The following HMBOX1 variants were observed in gnomAD, a reference collection of about 807,000 sequenced individuals.
HMBOX1 encodes homeobox containing 1.
In HMBOX1, 14 loss-of-function variants were observed where a neutral mutation model predicts 54.5. That is an observed-to-expected ratio of 0.26 (90% CI 0.17 to 0.40). The LOEUF (loss-of-function observed/expected upper bound fraction) is 0.40. Among genes scored for constraint, HMBOX1 ranks in the 10% least tolerant of loss-of-function variants. The probability of loss-of-function intolerance (pLI) is 1.00; values close to 1 mark genes in which losing one functional copy is unlikely to be tolerated. For synonymous variants in HMBOX1, 160 were observed against 181.0 expected (o/e 0.88, Z 0.93); for missense variants, 332 against 514.4 (o/e 0.65, Z 3.43).
chr8:28,897,345 A>G (rs554021484), intron 1 of HMBOX1, among the ~76,000 whole-genome samples: 2 of 152,090 alleles, frequency 1.3e-5, no homozygotes, highest in Non-Finnish European at 2.9e-5. Context: ...GGTAAAAGTT[A>G]ACGATAACAT....
chr8:28,932,477 A>C (rs1819636171), intron 1 of HMBOX1, among the ~76,000 whole-genome samples: 1 of 152,216 alleles, frequency 6.6e-6, no homozygotes, highest in South Asian at 2.1e-4. Flanking sequence ...GCCCTTATTT[A>C]AGTTTTTCTG....
intron 6 of HMBOX1, among the ~76,000 whole-genome samples, chr8:29,036,520 T>C (rs1220769041): frequency 1.3e-5 from 2 of 152,184 alleles, no homozygotes; most frequent in East Asian, 3.8e-4. Flanking sequence ...TATGGTTGTG[T>C]CTCCAGAGCA....
chr8:28,932,303 G>A (rs972370354), intron 1 of HMBOX1, among the ~76,000 whole-genome samples: 7 of 152,166 alleles, frequency 4.6e-5, no homozygotes, highest in Non-Finnish European at 7.3e-5. Context: ...ATGTACAGTA[G>A]GAAGCCAATT....
chr8:28,936,799 T>TAAA (rs58487085), intron 1 of HMBOX1, among the ~76,000 whole-genome samples: 1 of 128,990 alleles, frequency 7.8e-6, no homozygotes, highest in South Asian at 2.4e-4. Context: ...ACCAGAGGGT[T>TAAA]AAAAAAAAAA....
chr8:28,984,286 T>G (rs544999639), intron 4 of HMBOX1, among the ~76,000 whole-genome samples: 208 of 152,354 alleles, frequency 1.4e-3, no homozygotes, highest in South Asian at 7.5e-3. Context: ...TAAAAAGATT[T>G]AAGTTCAACT....
At chr8:28,935,340 A>T (rs1340281711) in intron 1 of HMBOX1, among the ~76,000 whole-genome samples, 1 of 152,208 alleles carries the variant, frequency 6.6e-6, no homozygotes, top group Non-Finnish European at 1.5e-5. Context: ...GAATTACACA[A>T]CTTAAGACTG....
chr8:28,941,916 C>G (rs1821490383), intron 1 of HMBOX1, among the ~76,000 whole-genome samples: 1 of 152,176 alleles, frequency 6.6e-6, no homozygotes, highest in Non-Finnish European at 1.5e-5. Flanking sequence ...GAGTCCTCTT[C>G]AGTATTTCTA....
chr8:29,046,257 G>A (rs1026520262), intron 7 of HMBOX1: 4 of 152,198 alleles, frequency 2.6e-5, no homozygotes, highest in Non-Finnish European at 4.4e-5. Flanking sequence ...AAAGGAATCT[G>A]TACCCTGTTT....
intron 1 of HMBOX1, among the ~76,000 whole-genome samples, chr8:28,916,805 A>G (rs1206927177): frequency 2.0e-5 from 3 of 151,760 alleles, no homozygotes; most frequent in African/African-American, 7.3e-5. Context: ...TGGCCTTTCC[A>G]TACAGATATT....
At chr8:28,968,390 AT>A (rs1245325952) in intron 2 of HMBOX1, among the ~76,000 whole-genome samples, 2 of 152,208 alleles carry the variant, frequency 1.3e-5, no homozygotes, top group African/African-American at 4.8e-5. Flanking sequence ...CCTGCAATGT[AT>A]TGTAAAGGAG....
intron 1 of HMBOX1, among the ~76,000 whole-genome samples, chr8:28,917,563 G>A (rs1268089492): frequency 6.6e-6 from 1 of 150,948 alleles, no homozygotes; most frequent in African/African-American, 2.4e-5. Context: ...GTATTATACT[G>A]ACTAAAACTT....
intron 8 of HMBOX1, chr8:29,048,618 C>T: frequency 5.9e-6 from 1 of 170,066 alleles, no homozygotes; most frequent in Non-Finnish European, 1.3e-5. Context: ...ATTTCATTTC[C>T]TTCCTTTGTA....
In HMBOX1 at chr8:28,953,003, C is replaced by A. The variant is rs116394559; in HGVS notation, c.-57-10808C>A. ...ACAGTTCTGCTAAGACAAGGGAAGTCCGTTAGCTGATTGACCTTGGGCAAG... is the reference window on the plus strand; with the variant it reads ...ACAGTTCTGCTAAGACAAGGGAAGTACGTTAGCTGATTGACCTTGGGCAAG... On this transcript the variant is annotated intron_variant, in intron 1 of 9. Transcript: ENST00000287701. 3.2e-3 allele frequency among the ~76,000 whole-genome samples: 494 copies of A among 152,256 alleles called. 7 individuals are homozygous for A. Among genetic ancestry groups the A allele is most frequent in the African/African-American group, 0.011 (461 of 41,546 alleles).
At position 28,900,917 on chromosome 8, in the gene HMBOX1, A is replaced by G. The variant is rs149291164; in HGVS notation, c.-58+10239A>G. On this transcript the variant is annotated intron_variant, in intron 1 of 9. Transcript: ENST00000287701. ...TTTTTGGAGTCTTAATTACTCTTAG[A>G]ATATTGAGCTGGTTGTGAACATGAA... Among the ~76,000 whole-genome samples the G allele has an allele frequency of 7.2e-4, 110 of 152,208 alleles. 1 individual carries two copies. The highest frequency in any genetic ancestry group is 2.5e-3 in the African/African-American group (104 of 41,522).
At chr8:29,002,947 T>G (rs1832861658) in intron 4 of HMBOX1, among the ~76,000 whole-genome samples, 1 of 152,178 alleles carries the variant, frequency 6.6e-6, no homozygotes, top group Non-Finnish European at 1.5e-5. Context: ...TTAGGATTTT[T>G]AAAATAATGG....
intron 1 of HMBOX1, among the ~76,000 whole-genome samples, chr8:28,933,077 CT>C (rs376134431): frequency 6.6e-6 from 1 of 151,468 alleles, no homozygotes; most frequent in Non-Finnish European, 1.5e-5. Context: ...ATCCTGTACT[CT>C]TTTTTTTTGA....
At chr8:29,028,882 A>G (rs1308922081) in intron 6 of HMBOX1, among the ~76,000 whole-genome samples, 4 of 152,208 alleles carry the variant, frequency 2.6e-5, no homozygotes, top group Non-Finnish European at 5.9e-5. Flanking sequence ...CTATTTTCCT[A>G]GTGTCACTTC....
intron 1 of HMBOX1, among the ~76,000 whole-genome samples, chr8:28,942,182 GAC>G (rs1821558216): frequency 6.6e-6 from 1 of 152,206 alleles, no homozygotes; most frequent in African/African-American, 2.4e-5. Context: ...GATGGAAAAA[GAC>G]ACCATGCCAT....
rs113395944 is a variant in HMBOX1 at position 29,011,714 on chromosome 8, G to GT, written c.697+2542dup. On this transcript the variant is annotated intron_variant, in intron 5 of 9. Coordinates refer to ENST00000287701, the MANE Select transcript of HMBOX1 (RefSeq NM_001135726.3). ...GGCTGATAGTGTTCTTCCAAAGCTG[G>GT]TTTTTTTTTTAAATTATTGTTATTT... Among the ~76,000 whole-genome samples, 77 of 148,894 alleles carry GT rather than the reference G, an allele frequency of 5.2e-4. 1 individual carries two copies. The highest frequency in any genetic ancestry group is 1.0e-3 in the African/African-American group (41 of 40,734).
Sources: gnomAD v4.1 joint callset for allele counts (sites outside exome capture counted in the v4.1 genomes callset) on GRCh38, gnomAD v4.1.1 for gene constraint, MANE v1.5 for transcripts, NCBI Gene and HGNC (gene_info 2026-07-23, HGNC 2026-07-21) for gene names.